FAM184A: variants seen among roughly 807,000 people sequenced by gnomAD.
FAM184A encodes protein FAM184A.
FAM184A carries 99 observed loss-of-function variants against 143.8 expected under a neutral mutation model. That is an observed-to-expected ratio of 0.69 (90% CI 0.58 to 0.81). The LOEUF (loss-of-function observed/expected upper bound fraction) is 0.81, where lower values mean the gene tolerates loss of function less well. Among genes scored for constraint, FAM184A ranks in the 40% least tolerant of loss-of-function variants. FAM184A has a pLI of 0.00. For synonymous variants in FAM184A, 427 were observed against 446.4 expected (o/e 0.96, Z 0.55); for missense variants, 1,217 against 1,310.5 (o/e 0.93, Z 1.10).
At chr6:118,999,070 T>C (rs1230230080) in intron 9 of FAM184A, among the ~76,000 whole-genome samples, 1 of 152,094 alleles carries the variant, frequency 6.6e-6, no homozygotes, top group Non-Finnish European at 1.5e-5. Context: ...AGGATCTATT[T>C]TGAAGGTAGA....
chr6:119,147,976 G>A (rs1772509946), intron 1 of FAM184A, among the ~76,000 whole-genome samples: 1 of 152,154 alleles, frequency 6.6e-6, no homozygotes, highest in Non-Finnish European at 1.5e-5. Context: ...AAGTGATGGT[G>A]GCCAACTTCA....
intron 1 of FAM184A, among the ~76,000 whole-genome samples, chr6:119,144,757 G>A (rs1772366623): frequency 6.6e-6 from 1 of 152,190 alleles, no homozygotes; most frequent in Non-Finnish European, 1.5e-5. Context: ...GCTAAGAAAT[G>A]GGAGACAGTG....
chr6:119,020,272 A>G (rs1262908914), intron 3 of FAM184A, 113 bp from the exon 4 acceptor site: 4 of 783,290 alleles, frequency 5.1e-6, no homozygotes, highest in Non-Finnish European at 5.3e-6. Flanking sequence ...TAAATGGTCT[A>G]CATGTACAAA....
At chr6:119,040,701 C>T (rs1386458779) in intron 1 of FAM184A, among the ~76,000 whole-genome samples, 3 of 152,178 alleles carry the variant, frequency 2.0e-5, no homozygotes, top group African/African-American at 7.2e-5. Flanking sequence ...CTTTTCATAA[C>T]TCACCAAGTG....
intron 5 of FAM184A, among the ~76,000 whole-genome samples, chr6:119,012,501 T>C (rs1785118177): frequency 6.6e-6 from 1 of 152,170 alleles, no homozygotes; most frequent in South Asian, 2.1e-4. Flanking sequence ...TGTAACAACT[T>C]GTGTGAAATG....
chr6:119,103,655 C>T (rs573083101), intron 1 of FAM184A, among the ~76,000 whole-genome samples: 2 of 87,630 alleles, frequency 2.3e-5, no homozygotes, highest in Admixed American at 1.4e-4. Context: ...AGGCCAGGCA[C>T]GGTGGCTCAA....
intron 1 of FAM184A, chr6:119,031,610 C>T (rs1785875234): frequency 1.3e-5 from 2 of 152,126 alleles, no homozygotes; most frequent in African/African-American, 4.8e-5. Flanking sequence ...AAATACGTTC[C>T]CATTAAAATC....
At chr6:118,974,079 G>A (rs1783774969) in intron 14 of FAM184A, among the ~76,000 whole-genome samples, 1 of 151,900 alleles carries the variant, frequency 6.6e-6, no homozygotes, top group Non-Finnish European at 1.5e-5. Context: ...GTGTATATAG[G>A]ATCATAGTAT....
At chr6:119,055,683 C>T (rs1487342665) in intron 1 of FAM184A, among the ~76,000 whole-genome samples, 1 of 152,146 alleles carries the variant, frequency 6.6e-6, no homozygotes, top group African/African-American at 2.4e-5. Flanking sequence ...AGTAAACATG[C>T]TATATATCTC....
intron 16 of FAM184A, chr6:118,963,403 T>C (rs1783395371): frequency 6.6e-6 from 1 of 152,116 alleles, no homozygotes; most frequent in African/African-American, 2.4e-5. Context: ...ATTAAAAAAC[T>C]AAAACTAATT....
At position 119,026,636 on chromosome 6, in the gene FAM184A, G is replaced by A. The variant is rs117699245; in HGVS notation, c.160-1823C>T. 8.3e-3 allele frequency among the ~76,000 whole-genome samples: 1,256 copies of A among 152,120 alleles called. 9 individuals carry two copies. Among genetic ancestry groups the A allele is most frequent in the Non-Finnish European group, 0.013 (901 of 68,008 alleles). ...TGGGCTTTTCTGCACTCTATACTTC[G>A]GGATTTAGACACAACTGACCGACGT... On this transcript the variant is annotated intron_variant, in intron 1 of 17. Coordinates refer to ENST00000338891, the MANE Select transcript of FAM184A (RefSeq NM_024581.6).
intron 9 of FAM184A, among the ~76,000 whole-genome samples, chr6:118,986,110 G>T (rs1444169183): frequency 1.3e-5 from 2 of 152,070 alleles, no homozygotes; most frequent in African/African-American, 2.4e-5. Flanking sequence ...TGGCTAACAC[G>T]GTGAAACCCC....
intron 1 of FAM184A, among the ~76,000 whole-genome samples, chr6:119,113,520 TCTC>T (rs1208129717): frequency 1.3e-5 from 2 of 152,148 alleles, no homozygotes; most frequent in Non-Finnish European, 2.9e-5. Flanking sequence ...CAACTATAGT[TCTC>T]AGTCCCCCCT....
At chr6:119,028,063 T>C (rs998366313) in intron 1 of FAM184A, among the ~76,000 whole-genome samples, 1 of 152,238 alleles carries the variant, frequency 6.6e-6, no homozygotes, top group Non-Finnish European at 1.5e-5. Context: ...ATTTTGCCTG[T>C]AGCTTCTGCT....
chr6:119,138,396 T>C (rs1173988190), intron 1 of FAM184A, among the ~76,000 whole-genome samples: 1 of 152,238 alleles, frequency 6.6e-6, no homozygotes, highest in Non-Finnish European at 1.5e-5. Context: ...TGTGTCTCAC[T>C]GGGCTAAAAT....
chr6:119,019,947 CG>C, intron 4 of FAM184A, 30 bp downstream of exon 4: 1 of 1,479,266 alleles, frequency 6.8e-7, no homozygotes, highest in Non-Finnish European at 9.0e-7. Context: ...GGAACTCTTT[CG>C]GGGGGAATGG....
At chr6:119,098,926 A>G (rs1788575684) in intron 1 of FAM184A, among the ~76,000 whole-genome samples, 2 of 152,280 alleles carry the variant, frequency 1.3e-5, no homozygotes, top group Admixed American at 6.5e-5. Context: ...CCTGACCAAT[A>G]TGATGAAACC....
At chr6:119,106,890 G>A (rs1788801482) in intron 1 of FAM184A, among the ~76,000 whole-genome samples, 1 of 152,146 alleles carries the variant, frequency 6.6e-6, no homozygotes, top group African/African-American at 2.4e-5. Flanking sequence ...AATGGGAAAG[G>A]TTCTGGAAGA....
At chr6:119,130,858 C>CTTTTTTT (rs67738048) in intron 1 of FAM184A, among the ~76,000 whole-genome samples, 2 of 131,706 alleles carry the variant, frequency 1.5e-5, no homozygotes, top group Non-Finnish European at 3.2e-5. Flanking sequence ...TTCTTTTTTT[C>CTTTTTTT]TTTTTTTTTT....
Sources: gnomAD v4.1 joint callset for allele counts (sites outside exome capture counted in the v4.1 genomes callset) on GRCh38, gnomAD v4.1.1 for gene constraint, MANE v1.5 for transcripts, NCBI Gene and HGNC (gene_info 2026-07-23, HGNC 2026-07-21) for gene names.